NEK7: variants seen among roughly 807,000 people sequenced by gnomAD.
The protein encoded by NEK7 is serine/threonine-protein kinase Nek7.
NEK7 carries 18 observed loss-of-function variants against 44.6 expected under a neutral mutation model. The observed-to-expected ratio is 0.40, with a 90% CI of 0.28 to 0.60. The LOEUF is 0.60. NEK7 is among the 20% of genes least tolerant of loss of function. NEK7 has a pLI of 0.38. For synonymous variants in NEK7, 130 were observed against 121.1 expected (o/e 1.07, Z -0.48); for missense variants, 256 against 366.5 (o/e 0.70, Z 2.46).
At chr1:198,242,927 C>T (rs1225174442) in intron 2 of NEK7, among the ~76,000 whole-genome samples, 2 of 151,206 alleles carry the variant, frequency 1.3e-5, no homozygotes, top group Admixed American at 1.3e-4. Context: ...GCCTTGGCCT[C>T]CCAAAGTGCT....
chr1:198,319,233 A>G (rs1558110108), intron 9 of NEK7, among the ~76,000 whole-genome samples, 179 bp from the exon 10 acceptor site: 1 of 152,194 alleles, frequency 6.6e-6, no homozygotes, highest in African/African-American at 2.4e-5. Flanking sequence ...TTCATAGAAC[A>G]TTTAACTTAT....
intron 9 of NEK7, among the ~76,000 whole-genome samples, chr1:198,310,387 G>A (rs891498523): frequency 4.0e-5 from 6 of 151,378 alleles, no homozygotes; most frequent in Non-Finnish European, 5.9e-5. Context: ...CTCCCATTTT[G>A]TAGGCTGCCT....
intron 6 of NEK7, 91 bp downstream of exon 6, chr1:198,278,160 A>C (rs184676066): frequency 5.0e-5 from 34 of 677,288 alleles, no homozygotes; most frequent in Non-Finnish European, 8.8e-5. Flanking sequence ...ATAATACCAT[A>C]CTTTTTCAGG....
intron 1 of NEK7, among the ~76,000 whole-genome samples, chr1:198,212,158 GGT>G (rs1665793138): frequency 6.6e-6 from 1 of 152,222 alleles, no homozygotes; most frequent in African/African-American, 2.4e-5. Flanking sequence ...TCCGGTCACA[GGT>G]TGAGAGAAGC....
chr1:198,227,817 C>T (rs377177013), intron 1 of NEK7, among the ~76,000 whole-genome samples: 3 of 152,084 alleles, frequency 2.0e-5, no homozygotes, highest in Non-Finnish European at 4.4e-5. Flanking sequence ...ATTCTGTAGG[C>T]TGCCTGTTCA....
intron 7 of NEK7, among the ~76,000 whole-genome samples, chr1:198,291,812 G>A (rs1333483225): frequency 2.0e-5 from 3 of 151,964 alleles, no homozygotes; most frequent in Non-Finnish European, 4.4e-5. Flanking sequence ...ATAACTATTA[G>A]GTTATAACTT....
intron 5 of NEK7, among the ~76,000 whole-genome samples, chr1:198,265,141 G>A (rs532652109): frequency 6.6e-6 from 1 of 152,130 alleles, no homozygotes; most frequent in Non-Finnish European, 1.5e-5. Context: ...GTACATGCTG[G>A]CTTTATCTTA....
chr1:198,161,741 A>G (rs991482391), intron 1 of NEK7, among the ~76,000 whole-genome samples: 6 of 152,082 alleles, frequency 3.9e-5, no homozygotes, highest in Admixed American at 3.3e-4. Flanking sequence ...ATCCTGTGAC[A>G]TTGAATGAAT....
chr1:198,204,565 A>C (rs566013288), intron 1 of NEK7, among the ~76,000 whole-genome samples: 50 of 152,040 alleles, frequency 3.3e-4, no homozygotes, highest in African/African-American at 1.2e-3. Flanking sequence ...TAAAAATACA[A>C]AAAATTAGCC....
intron 9 of NEK7, among the ~76,000 whole-genome samples, chr1:198,301,450 T>C (rs1654879790): frequency 6.6e-6 from 1 of 152,200 alleles, no homozygotes; most frequent in Non-Finnish European, 1.5e-5. Flanking sequence ...CTCGGGAGGC[T>C]GAGGCGGGAG....
At chr1:198,247,262 G>A (rs1364522769) in intron 2 of NEK7, among the ~76,000 whole-genome samples, 1 of 151,736 alleles carries the variant, frequency 6.6e-6, no homozygotes, top group African/African-American at 2.4e-5. Flanking sequence ...TTCCATTTTT[G>A]TCTTTATTTT....
intron 1 of NEK7, chr1:198,197,978 A>C: frequency 6.5e-7 from 1 of 1,529,458 alleles, no homozygotes; most frequent in Non-Finnish European, 8.8e-7. Context: ...TAGGGACCCG[A>C]GGATTGGCAT....
intron 1 of NEK7, among the ~76,000 whole-genome samples, chr1:198,190,309 G>A (rs767513460): frequency 2.0e-5 from 3 of 151,980 alleles, no homozygotes; most frequent in Non-Finnish European, 4.4e-5. Flanking sequence ...AAATTTCAGC[G>A]TGCCTCCGTC....
chr1:198,223,861 G>T (rs1421995324), intron 1 of NEK7, among the ~76,000 whole-genome samples: 1 of 152,006 alleles, frequency 6.6e-6, no homozygotes, highest in Non-Finnish European at 1.5e-5. Context: ...CCAACATTTA[G>T]AAGATCTAAA....
At chr1:198,288,107 T>G (rs1654435241) in intron 7 of NEK7, among the ~76,000 whole-genome samples, 1 of 152,232 alleles carries the variant, frequency 6.6e-6, no homozygotes, top group African/African-American at 2.4e-5. Flanking sequence ...TACTTGTTTT[T>G]CCCACACCTT....
At chr1:198,166,465 A>C (rs542087715) in intron 1 of NEK7, among the ~76,000 whole-genome samples, 2 of 152,282 alleles carry the variant, frequency 1.3e-5, no homozygotes, top group South Asian at 4.1e-4. Context: ...TGCCTTTCTC[A>C]CTAAGCTTAA....
At chr1:198,216,074 GAACCT>G in intron 1 of NEK7, among the ~76,000 whole-genome samples, 1 of 152,144 alleles carries the variant, frequency 6.6e-6, no homozygotes, top group East Asian at 1.9e-4. Context: ...GTAAACAAAT[GAACCT>G]AATAGATATT....
chr1:198,312,491 T>G (rs1655220579), intron 9 of NEK7, among the ~76,000 whole-genome samples: 1 of 152,140 alleles, frequency 6.6e-6, no homozygotes, highest in Admixed American at 6.5e-5. Flanking sequence ...CTTTTGAATG[T>G]GTTTGCTCTT....
At chr1:198,194,412 C>T (rs1374353394) in intron 1 of NEK7, among the ~76,000 whole-genome samples, 1 of 151,488 alleles carries the variant, frequency 6.6e-6, no homozygotes, top group Non-Finnish European at 1.5e-5. Context: ...GCCTAGTACC[C>T]ATTAGTTATT....
Sources: gnomAD v4.1 joint callset for allele counts (sites outside exome capture counted in the v4.1 genomes callset) on GRCh38, gnomAD v4.1.1 for gene constraint, MANE v1.5 for transcripts, NCBI Gene and HGNC (gene_info 2026-07-23, HGNC 2026-07-21) for gene names.